Variants in NSD2 observed in about 807,000 individuals in gnomAD.
NSD2 encodes histone-lysine N-methyltransferase NSD2.
In NSD2, 12 loss-of-function variants were observed where a neutral mutation model predicts 139.0. The ratio of observed to expected loss-of-function variants is 0.09; its 90% CI spans 0.06 to 0.14. The LOEUF is 0.14. Among genes scored for constraint, NSD2 ranks in the 10% least tolerant of loss-of-function variants. The pLI is 1.00. For missense variants in NSD2, 1,155 were observed against 1,745.0 expected, an observed-to-expected ratio of 0.66 and a Z score of 6.02; for synonymous variants, 669 against 648.7, an observed-to-expected ratio of 1.03 and a Z score of -0.48.
chr4:1,951,506 A>G (rs1724258011), intron 10 of NSD2, among the ~76,000 whole-genome samples: 2 of 134,302 alleles, frequency 1.5e-5, no homozygotes, highest in South Asian at 2.4e-4. Flanking sequence ...ACACACACAC[A>G]CACACACACA....
intron 9 of NSD2, chr4:1,943,159 G>T: frequency 2.9e-6 from 3 of 1,043,510 alleles, no homozygotes; most frequent in Non-Finnish European, 3.5e-6. Flanking sequence ...CCTGCCCCAG[G>T]TGTCCGCATT....
chr4:1,878,864 G>C (rs1416292375), intron 1 of NSD2, among the ~76,000 whole-genome samples: 1 of 152,168 alleles, frequency 6.6e-6, no homozygotes, highest in Non-Finnish European at 1.5e-5. Context: ...AGGTGGGAGA[G>C]AATGAGCAGA....
rs1321702658 is a variant in NSD2, at chr4:1,941,447, G to A, written c.1881+1669G>A. ...TAATGCATGAGGCCAGTGTAGCGGGGTCGAGGCCTGCCCATGAGTCAGGGG... is the reference window on the plus strand; with the variant it reads ...TAATGCATGAGGCCAGTGTAGCGGGATCGAGGCCTGCCCATGAGTCAGGGG... On this transcript the variant is annotated intron_variant, in intron 9 of 21. Coordinates refer to ENST00000508803, the MANE Select transcript of NSD2 (RefSeq NM_001042424.3). 4.8e-6 allele frequency: 5 copies of A among 1,047,358 alleles called. No individual in the cohort carries two copies. The African/African-American group carries it at 5.0e-5, about 10-fold the overall frequency. The allele number at this position is 1,047,358 out of a possible 1,614,324, so 64.9% of individuals were successfully genotyped here. A position where few individuals can be genotyped will look rare whatever the true frequency, so the allele number is the denominator to read the frequency against.
intron 3 of NSD2, among the ~76,000 whole-genome samples, chr4:1,914,506 A>G (rs552099705): frequency 6.6e-6 from 1 of 152,028 alleles, no homozygotes; most frequent in East Asian, 1.9e-4. Flanking sequence ...TTTGTGTTTT[A>G]GTAGAGACAG....
intron 11 of NSD2, 109 bp downstream of exon 11, chr4:1,952,340 C>G: frequency 6.7e-7 from 1 of 1,497,060 alleles, no homozygotes; most frequent in Non-Finnish European, 9.0e-7. Flanking sequence ...GCCCCCTCCC[C>G]ACCCCCACCG....
chr4:1,956,100 G>A lies in NSD2; in HGVS notation c.2793G>A (p.Thr931=), dbSNP rs150430277. The change falls in exon 15 of 22, where the codon ACG becomes ACA. Residue 931 remains threonine (T), a synonymous_variant. Coordinates refer to ENST00000508803, the MANE Select transcript of NSD2 (RefSeq NM_001042424.3). The surrounding 1 kb of genome is among the most constrained non-coding windows in gnomAD (Gnocchi z 5.3). Reference sequence around the variant, plus strand: ...TTGGGTCTAAAGATTATTACTGGACGCATCAGGCGCGAGTGTTCCCGTACA... The same window carrying A: ...TTGGGTCTAAAGATTATTACTGGACACATCAGGCGCGAGTGTTCCCGTACA... ...FFFGSKDYYW[T]HQARVFPYME... is the part of the protein sequence containing the mutation. 6.6e-4 allele frequency: 1,058 copies of A among 1,613,888 alleles called. 1 individual carries two copies. The highest frequency in any genetic ancestry group is 8.4e-4 in the Non-Finnish European group (992 of 1,180,028).
intron 1 of NSD2, among the ~76,000 whole-genome samples, chr4:1,872,043 CCCGGGGCCGGCG>C (rs1344847033): frequency 6.6e-6 from 1 of 150,378 alleles, no homozygotes; most frequent in Non-Finnish European, 1.5e-5. Context: ...AGGTTGGGGT[CCCGGGGCCGGCG>C]CCGGGGCCAG....
At chr4:1,978,579 T>A in intron 21 of NSD2, 59 bp from the exon 22 acceptor site, 1 of 1,546,524 alleles carries the variant, frequency 6.5e-7, no homozygotes, top group Non-Finnish European at 8.8e-7. Flanking sequence ...TCAACCACGA[T>A]AATGTTGAAG....
intron 1 of NSD2, among the ~76,000 whole-genome samples, chr4:1,890,429 G>A (rs1472740634): frequency 2.0e-5 from 3 of 150,436 alleles, no homozygotes; most frequent in Admixed American, 6.6e-5. Context: ...CTCCCGAGTA[G>A]CTGGGACTAC....
rs769906407 is a variant in NSD2 at position 1,901,197 on chromosome 4, G to C, written c.543G>C (p.Gln181His). 1 of 1,605,520 alleles carries C rather than the reference G, an allele frequency of 6.2e-7. No homozygotes were observed. The highest frequency in any genetic ancestry group is 8.5e-7 in the Non-Finnish European group (1 of 1,177,138). Residue 181 changes from glutamine (Q) to histidine (H), a missense_variant, in exon 2 of 22, where the codon CAG (glutamine) becomes CAC (histidine). By Grantham distance (24) the Gln-to-His change is conservative. Transcript: ENST00000508803. Reference sequence around the variant, plus strand: ...TAAAATATGACTCCTTGCTGGAGCAGGGCCTTGTCGAAGCAGCTCTTGTGT... The same window carrying C: ...TAAAATATGACTCCTTGCTGGAGCACGGCCTTGTCGAAGCAGCTCTTGTGT... ...RSIKYDSLLE[Q>H]GLVEAALVSK...
Position 1,942,718 on chromosome 4 carries a change from G to T in NSD2, c.1881+2940G>T, listed in dbSNP as rs1723224636. On this transcript the variant is annotated intron_variant, in intron 9 of 21. Transcript: ENST00000508803. The surrounding 1 kb of genome is among the most constrained non-coding windows in gnomAD (Gnocchi z 4.0). ...CTGCAGCAGGGCTTTGCACGGAAGG[G>T]GTGGCCCTGTTAGAGTTGCTTCTCC... The T allele has an allele frequency of 9.1e-7, 1 of 1,093,666 alleles. No homozygotes were observed. Among genetic ancestry groups the T allele is most frequent in the Non-Finnish European group, 1.1e-6 (1 of 896,734 alleles). The allele number at this position is 1,093,666 out of a possible 1,614,324, so 67.7% of individuals were successfully genotyped here. A position where few individuals can be genotyped will look rare whatever the true frequency, so the allele number is the denominator to read the frequency against.
chr4:1,907,253 T>C (rs1718047547), intron 3 of NSD2, among the ~76,000 whole-genome samples: 1 of 152,218 alleles, frequency 6.6e-6, no homozygotes, highest in South Asian at 2.1e-4. Flanking sequence ...ACTTTTACTT[T>C]TAAAACCTGA....
chr4:1,879,873 T>G (rs1435324678), intron 1 of NSD2, among the ~76,000 whole-genome samples: 1 of 151,470 alleles, frequency 6.6e-6, no homozygotes, highest in Non-Finnish European at 1.5e-5. Flanking sequence ...CTCCCAAGTT[T>G]GTCATGCCTT....
At chr4:1,897,604 A>C (rs1171928111) in intron 1 of NSD2, among the ~76,000 whole-genome samples, 1 of 152,118 alleles carries the variant, frequency 6.6e-6, no homozygotes. Flanking sequence ...ACAAGACAAG[A>C]TCCCGTCTCT....
intron 3 of NSD2, among the ~76,000 whole-genome samples, chr4:1,908,572 G>A (rs1339103622): frequency 6.6e-6 from 1 of 152,154 alleles, no homozygotes. Flanking sequence ...AAAGAAAAGG[G>A]GTCAAAGGAA....
At chr4:1,927,268 A>C (rs1380295279) in intron 5 of NSD2, among the ~76,000 whole-genome samples, 1 of 152,168 alleles carries the variant, frequency 6.6e-6, no homozygotes, top group Non-Finnish European at 1.5e-5. Context: ...AGTCATATGC[A>C]ACCATTTCTG....
chr4:1,920,022 T>A (rs1719916918), intron 5 of NSD2, among the ~76,000 whole-genome samples: 1 of 152,106 alleles, frequency 6.6e-6, no homozygotes. Flanking sequence ...TGTGGCACAA[T>A]AAGGAGCCAT....
chr4:1,905,926 C>T (rs1717836267), intron 3 of NSD2, among the ~76,000 whole-genome samples: 1 of 152,210 alleles, frequency 6.6e-6, no homozygotes, highest in Admixed American at 6.5e-5. Flanking sequence ...GAGACAGAAG[C>T]TGTCTCCCCT....
intron 7 of NSD2, among the ~76,000 whole-genome samples, chr4:1,935,649 C>G (rs1236966055): frequency 6.6e-6 from 1 of 152,164 alleles, no homozygotes; most frequent in Non-Finnish European, 1.5e-5. Context: ...TGCTTGAGGT[C>G]AGGAGTTCGA....
Sources: gnomAD v4.1 joint callset for allele counts (sites outside exome capture counted in the v4.1 genomes callset) on GRCh38, gnomAD v4.1.1 for gene constraint, Gnocchi (gnomAD v3.1) non-coding constraint, MANE v1.5 for transcripts, NCBI Gene and HGNC (gene_info 2026-07-23, HGNC 2026-07-21) for gene names.